ZNF407: variants seen among roughly 807,000 people sequenced by gnomAD.
ZNF407 encodes zinc finger protein 407.
In ZNF407, 17 loss-of-function variants were observed where a neutral mutation model predicts 131.2. The observed-to-expected ratio is 0.13, with a 90% CI of 0.09 to 0.19. The LOEUF (loss-of-function observed/expected upper bound fraction) is 0.19, where lower values mean the gene tolerates loss of function less well. Among genes scored for constraint, ZNF407 ranks in the 10% least tolerant of loss-of-function variants. The pLI, the probability that ZNF407 is intolerant of heterozygous loss-of-function variation, is 1.00. For synonymous variants in ZNF407, 1,156 were observed against 1,062.0 expected, an observed-to-expected ratio of 1.09 and a Z score of -1.72; for missense variants, 2,681 against 2,830.6, an observed-to-expected ratio of 0.95 and a Z score of 1.20.
At position 75,036,483 on chromosome 18, in the gene ZNF407, A is replaced by T. The variant is rs759097769; in HGVS notation, c.5429-26667A>T. Among the ~76,000 whole-genome samples, 18 of 152,304 alleles carry T rather than the reference A, an allele frequency of 1.2e-4. No homozygotes were observed. In the East Asian group the frequency reaches 3.5e-3, roughly 29 times the overall value. ...GTTCACACCCAAGATGAGGAAAATG[A>T]TTTATTATCTGTCCCTTGAATTTCT... On this transcript the variant is annotated intron_variant, in intron 8 of 8. Coordinates refer to ENST00000299687, the MANE Select transcript of ZNF407 (RefSeq NM_017757.3).
intron 5 of ZNF407, among the ~76,000 whole-genome samples, chr18:74,880,442 G>A (rs948388460): frequency 3.3e-5 from 5 of 152,118 alleles, no homozygotes; most frequent in African/African-American, 9.7e-5. Flanking sequence ...ATGAAAGCGA[G>A]AAACATAAAC....
At chr18:75,020,340 GTATA>G (rs768363858) in intron 8 of ZNF407, among the ~76,000 whole-genome samples, 1 of 127,772 alleles carries the variant, frequency 7.8e-6, no homozygotes, top group Non-Finnish European at 1.7e-5. Flanking sequence ...GTGTGTGTGT[GTATA>G]TATATATAGG....
chr18:74,631,108 A>T lies in ZNF407; in HGVS notation c.89A>T (p.Asn30Ile), dbSNP rs1450137742. 1 of 1,613,818 alleles carries T rather than the reference A, an allele frequency of 6.2e-7. No individual in the cohort carries two copies. Among genetic ancestry groups the T allele is most frequent in the African/African-American group, 1.3e-5 (1 of 74,922 alleles). ...AQDLTKLSSH[N>I]EDGGPVSDVI... ...GACTTGACAAAGCTTTCATCCCATA[A>T]TGAAGACGGTGGGCCTGTATCTGAT... Residue 30 changes from asparagine to isoleucine, a missense_variant, in exon 2 of 9, where the codon AAT becomes ATT. Transcript: ENST00000299687.
In ZNF407 at chr18:74,947,794, CTCTG is replaced by C. The variant is rs1480762914; in HGVS notation, c.5428+27106_5428+27109del. On this transcript the variant is annotated intron_variant, in intron 8 of 8. Transcript: ENST00000299687. ...CTTCAATGAAAGTGAAGCGCTAAGC[CTCTG>C]TCTTTCAAAGAACAGTGGGCTTTCT... is the stretch of plus-strand genomic sequence containing the variant. 1.3e-5 allele frequency among the ~76,000 whole-genome samples: 2 copies of C among 152,218 alleles called. 1 individual carries two copies. The highest frequency in any genetic ancestry group is 1.3e-4 in the Admixed American group (2 of 15,292).
chr18:74,645,870 A>C (rs1984950982), intron 3 of ZNF407, among the ~76,000 whole-genome samples: 1 of 152,184 alleles, frequency 6.6e-6, no homozygotes, highest in African/African-American at 2.4e-5. Context: ...CACAGTTAGT[A>C]TTTGAGTTAC....
chr18:74,819,390 G>A (rs754093314), intron 4 of ZNF407, among the ~76,000 whole-genome samples: 4 of 152,162 alleles, frequency 2.6e-5, no homozygotes, highest in Admixed American at 6.5e-5. Flanking sequence ...TATCCGGTGA[G>A]GGTGATAGGC....
At chr18:74,958,495 T>C (rs1315399836) in intron 8 of ZNF407, among the ~76,000 whole-genome samples, 7 of 152,014 alleles carry the variant, frequency 4.6e-5, no homozygotes, top group Admixed American at 3.9e-4. Context: ...TGCATTGGGT[T>C]TGATGAGGAG....
chr18:74,739,828 A>G (rs1000809519), intron 3 of ZNF407, among the ~76,000 whole-genome samples: 2 of 152,200 alleles, frequency 1.3e-5, no homozygotes, highest in Non-Finnish European at 2.9e-5. Context: ...CTGAGCACGG[A>G]ATTAGGGGAA....
intron 1 of ZNF407, among the ~76,000 whole-genome samples, chr18:74,615,672 A>T (rs1295335144): frequency 6.6e-6 from 1 of 152,192 alleles, no homozygotes; most frequent in African/African-American, 2.4e-5. Flanking sequence ...TTCCTTCTCC[A>T]CATATAACAT....
At chr18:74,767,723 G>A (rs555957930) in intron 3 of ZNF407, among the ~76,000 whole-genome samples, 3 of 142,556 alleles carry the variant, frequency 2.1e-5, no homozygotes, top group South Asian at 2.2e-4. Flanking sequence ...GTGCGATTTC[G>A]GCTCACTGCA....
At chr18:74,623,309 TG>T (rs554380174) in intron 1 of ZNF407, among the ~76,000 whole-genome samples, 24 of 142,196 alleles carry the variant, frequency 1.7e-4, no homozygotes, top group African/African-American at 5.8e-4. Context: ...TGTGAGTGCG[TG>T]AGGGTAAGTG....
chr18:74,835,602 T>C (rs1970544013), intron 4 of ZNF407, among the ~76,000 whole-genome samples: 1 of 149,988 alleles, frequency 6.7e-6, no homozygotes, highest in Non-Finnish European at 1.5e-5. Flanking sequence ...ATTTTGAGTG[T>C]GTGAGTTTGT....
At chr18:74,606,478 G>T (rs1205219581) in intron 1 of ZNF407, among the ~76,000 whole-genome samples, 2 of 152,194 alleles carry the variant, frequency 1.3e-5, no homozygotes, top group African/African-American at 2.4e-5. Context: ...CTGGACTCAA[G>T]CAATGTCTCC....
At chr18:74,828,427 T>A (rs1970437878) in intron 4 of ZNF407, among the ~76,000 whole-genome samples, 1 of 152,168 alleles carries the variant, frequency 6.6e-6, no homozygotes, top group African/African-American at 2.4e-5. Context: ...GTTACTCTCC[T>A]GGGAGGCAAG....
chr18:75,044,616 G>A (rs1004190718), intron 8 of ZNF407, among the ~76,000 whole-genome samples: 2 of 152,050 alleles, frequency 1.3e-5, no homozygotes, highest in Non-Finnish European at 2.9e-5. Flanking sequence ...AACTATTCCC[G>A]TCACTATGGC....
chr18:74,689,351 G>A (rs966986757), intron 3 of ZNF407, among the ~76,000 whole-genome samples: 1 of 152,250 alleles, frequency 6.6e-6, no homozygotes, highest in East Asian at 1.9e-4. Context: ...ATTAATTCTG[G>A]TAGCTTTTTT....
chr18:74,614,627 A>G (rs1038565049), intron 1 of ZNF407, among the ~76,000 whole-genome samples: 7 of 152,134 alleles, frequency 4.6e-5, no homozygotes, highest in Non-Finnish European at 5.9e-5. Context: ...GGAATTCTTT[A>G]AAAGTACAGA....
chr18:75,029,756 G>C (rs189077944), intron 8 of ZNF407, among the ~76,000 whole-genome samples: 13 of 152,198 alleles, frequency 8.5e-5, no homozygotes, highest in Admixed American at 3.3e-4. Context: ...TGCATTTTTT[G>C]TGCAAACCAT....
intron 4 of ZNF407, among the ~76,000 whole-genome samples, chr18:74,837,451 A>G (rs1970573905): frequency 6.6e-6 from 1 of 152,070 alleles, no homozygotes; most frequent in Admixed American, 6.6e-5. Flanking sequence ...GCCTGTTAGT[A>G]CTGGTAATAT....
Sources: gnomAD v4.1 joint callset for allele counts (sites outside exome capture counted in the v4.1 genomes callset) on GRCh38, gnomAD v4.1.1 for gene constraint, MANE v1.5 for transcripts, NCBI Gene and HGNC (gene_info 2026-07-23, HGNC 2026-07-21) for gene names.